The following TBX5 variants were observed in gnomAD, a reference collection of about 807,000 sequenced individuals.
TBX5 encodes the protein T-box transcription factor TBX5.
A neutral mutation model predicts 51.1 loss-of-function variants in TBX5; 8 were observed. The ratio of observed to expected loss-of-function variants is 0.16; its 90% CI spans 0.09 to 0.28. The LOEUF is 0.28. Ranked by LOEUF, TBX5 falls within the 10% of genes least tolerant of loss-of-function variation. The probability of loss-of-function intolerance (pLI) is 1.00; values close to 1 mark genes in which losing one functional copy is unlikely to be tolerated. For missense variants in TBX5, 589 were observed against 671.7 expected, an observed-to-expected ratio of 0.88 and a Z score of 1.36; for synonymous variants, 302 against 266.4, an observed-to-expected ratio of 1.13 and a Z score of -1.30.
intron 7 of TBX5, among the ~76,000 whole-genome samples, chr12:114,374,439 A>G (rs779758588): frequency 5.3e-5 from 8 of 152,216 alleles, no homozygotes; most frequent in Non-Finnish European, 7.3e-5. Context: ...GTTCTGGGGA[A>G]CAGCATGGAC....
intron 3 of TBX5, 31 bp downstream of exon 3, chr12:114,401,795 G>A (rs771591964): frequency 1.6e-5 from 25 of 1,601,054 alleles, no homozygotes; most frequent in South Asian, 8.8e-5. Context: ...ATTTCTCCTC[G>A]TCCCTCTCTC....
chr12:114,370,702 C>T (rs941016834), intron 7 of TBX5, among the ~76,000 whole-genome samples: 3 of 151,480 alleles, frequency 2.0e-5, no homozygotes, highest in African/African-American at 7.3e-5. Flanking sequence ...GGCCACCATC[C>T]TGTGAGATTA....
At chr12:114,394,496 A>T (rs1871315821) in intron 6 of TBX5, among the ~76,000 whole-genome samples, 2 of 152,066 alleles carry the variant, frequency 1.3e-5, no homozygotes, top group Admixed American at 1.3e-4. Context: ...CTATGGTTTG[A>T]CAAGTTTGTT....
chr12:114,366,407 T>C lies in TBX5; in HGVS notation c.756-16A>G, dbSNP rs1035940533. 6.2e-7 allele frequency: 1 copy of C among 1,612,906 alleles called. No individual in the cohort carries two copies. The highest frequency in any genetic ancestry group is 1.3e-5 in the African/African-American group (1 of 74,978). ...ATATTCTTTACTGAAAGAGAAAAGATGGGAGATAACGCCTATCAGTGCCCT... is the reference window on the plus strand; with the variant it reads ...ATATTCTTTACTGAAAGAGAAAAGACGGGAGATAACGCCTATCAGTGCCCT... On this transcript the variant is annotated splice_polypyrimidine_tract_variant and intron_variant, in intron 7 of 8. Transcript: ENST00000405440.
chr12:114,393,446 C>T (rs12300522), intron 6 of TBX5, among the ~76,000 whole-genome samples: 3 of 152,174 alleles, frequency 2.0e-5, no homozygotes, highest in East Asian at 1.9e-4. Flanking sequence ...ACCTATTGCT[C>T]GCCTCTCCAG....
rs141609745 is a variant in TBX5 at position 114,403,831 on chromosome 12, G to A, written c.68C>T (p.Pro23Leu). Residue 23 changes from proline (P) to leucine (L), a missense_variant, in exon 2 of 9, where the codon CCC becomes CTC. Coordinates refer to ENST00000405440, the MANE Select transcript of TBX5 (RefSeq NM_181486.4). ...TPLEPDAKDL[P>L]CDSKPESALG... The stretch of plus-strand genomic sequence containing the variant: ...CGCGCTCTCGGGTTTCGAATCGCAG[G>A]GCAGGTCTTTTGCGTCAGGCTCCAG... 1.1e-5 allele frequency: 17 copies of A among 1,614,098 alleles called. No individual in the cohort carries two copies. Among genetic ancestry groups the A allele is most frequent in the South Asian group, 5.5e-5 (5 of 91,082 alleles).
At chr12:114,406,866 G>A (rs995626483), upstream of TBX5, among the ~76,000 whole-genome samples, 1 of 151,122 alleles carries the variant, frequency 6.6e-6, no homozygotes, top group Non-Finnish European at 1.5e-5. Flanking sequence ...TTTTTTTAGG[G>A]TGAGTTGAAG....
chr12:114,396,341 T>A (rs1230737661), intron 5 of TBX5, among the ~76,000 whole-genome samples: 1 of 151,938 alleles, frequency 6.6e-6, no homozygotes, highest in Non-Finnish European at 1.5e-5. Context: ...GGCGGGGCCA[T>A]CGGCCCGGCT....
At chr12:114,365,714 C>T (rs956397885) in intron 8 of TBX5, among the ~76,000 whole-genome samples, 5 of 151,236 alleles carry the variant, frequency 3.3e-5, no homozygotes, top group African/African-American at 4.9e-5. Context: ...CCTATAGTCC[C>T]AGCTACTAGG....
At chr12:114,408,397 G>A (rs562444249), upstream of TBX5, 1 of 170,286 alleles carries the variant, frequency 5.9e-6, no homozygotes, top group East Asian at 1.9e-4. Flanking sequence ...CTATTGGAAG[G>A]AAATCGAGTT....
intron 8 of TBX5, among the ~76,000 whole-genome samples, chr12:114,365,218 A>T (rs2136371977): frequency 6.6e-6 from 1 of 152,020 alleles, no homozygotes; most frequent in East Asian, 1.9e-4. Flanking sequence ...GGAAAAAAAA[A>T]AAAAGAGTTC....
chr12:114,359,580 A>G (rs1869121305), intron 8 of TBX5, among the ~76,000 whole-genome samples: 1 of 152,214 alleles, frequency 6.6e-6, no homozygotes, highest in African/African-American at 2.4e-5. Context: ...CTCTTAGGTA[A>G]CAGTAAATTC....
chr12:114,356,149 C>A (rs779437406), intron 8 of TBX5, 43 bp from the exon 9 acceptor site: 5 of 1,585,888 alleles, frequency 3.2e-6, no homozygotes, highest in Middle Eastern at 1.7e-4. Flanking sequence ...GGAGCAGGCA[C>A]CAGGCAGCTA....
In TBX5 at chr12:114,370,589, G is replaced by A. The variant is rs998183413; in HGVS notation, c.756-4198C>T. ...CGCTTCTGATGGCCGCCTTCCCTCA[G>A]TGTCCTCACATGCCAGGCAGGGAGG... On this transcript the variant is annotated intron_variant, in intron 7 of 8. Coordinates refer to ENST00000405440, the MANE Select transcript of TBX5 (RefSeq NM_181486.4). 2.0e-5 allele frequency among the ~76,000 whole-genome samples: 3 copies of A among 152,002 alleles called. No homozygotes were observed. In the South Asian group the frequency reaches 6.2e-4, roughly 32 times the overall value.
intron 7 of TBX5, among the ~76,000 whole-genome samples, chr12:114,384,078 T>C (rs1870661610): frequency 6.6e-6 from 1 of 152,188 alleles, no homozygotes; most frequent in Admixed American, 6.5e-5. Context: ...TATGGCCCAA[T>C]CAATTTCAAA....
intron 6 of TBX5, among the ~76,000 whole-genome samples, chr12:114,389,106 T>A (rs1871002673): frequency 6.6e-6 from 1 of 151,710 alleles, no homozygotes; most frequent in African/African-American, 2.4e-5. Flanking sequence ...TTTTTGTATT[T>A]TAGTACAGAC....
rs967909019 is a variant in TBX5 at position 114,405,611 on chromosome 12, T to A, written c.-39+17A>T. The A allele has an allele frequency of 2.4e-6, 2 of 818,270 alleles. No homozygotes were observed. Among genetic ancestry groups the A allele is most frequent in the Admixed American group, 1.2e-4 (2 of 16,060 alleles). 50.7% of individuals were successfully genotyped at this position (818,270 alleles called of 1,614,324 possible). The stretch of plus-strand genomic sequence containing the variant: ...GCTCCCTCCTGAGCCTCCCGGGCCA[T>A]CTGCCGGGACGGTTACCTCGTTCGG... On this transcript the variant is annotated intron_variant, in intron 1 of 8. Transcript: ENST00000405440.
At chr12:114,389,539 G>A (rs1430246702) in intron 6 of TBX5, among the ~76,000 whole-genome samples, 1 of 150,260 alleles carries the variant, frequency 6.7e-6, no homozygotes, top group South Asian at 2.1e-4. Flanking sequence ...CGGATCACGA[G>A]GTCAGGAGAT....
intron 7 of TBX5, among the ~76,000 whole-genome samples, chr12:114,378,439 G>A (rs1223344542): frequency 6.6e-6 from 1 of 152,146 alleles, no homozygotes; most frequent in Non-Finnish European, 1.5e-5. Flanking sequence ...CCTGGCATCT[G>A]GCTTCAACAG....
Sources: allele counts gnomAD v4.1 joint callset (sites outside exome capture counted in the v4.1 genomes callset), GRCh38; gene constraint gnomAD v4.1.1; transcripts MANE v1.5; gene names NCBI Gene and HGNC (gene_info 2026-07-23, HGNC 2026-07-21).